ARHGAP31: variants seen among roughly 807,000 people sequenced by gnomAD.
The protein encoded by ARHGAP31 is Rho GTPase activating protein 31.
A neutral mutation model predicts 113.9 loss-of-function variants in ARHGAP31; 34 were observed. The ratio of observed to expected loss-of-function variants is 0.30; its 90% confidence interval spans 0.23 to 0.40. ARHGAP31 has a LOEUF of 0.40. Ranked by LOEUF, ARHGAP31 falls within the 10% of genes least tolerant of loss-of-function variation. The pLI, the probability that ARHGAP31 is intolerant of heterozygous loss-of-function variation, is 1.00. For missense variants in ARHGAP31, 1,548 were observed against 1,767.1 expected (o/e 0.88, Z 2.22); for synonymous variants, 650 against 684.8 (o/e 0.95, Z 0.79).
intron 1 of ARHGAP31, among the ~76,000 whole-genome samples, chr3:119,356,229 G>A (rs1281725654): frequency 6.6e-6 from 1 of 152,150 alleles, no homozygotes; most frequent in Non-Finnish European, 1.5e-5. Context: ...TTTCTTTCCT[G>A]TAGACAACTA....
chr3:119,384,511 T>A (rs537521800), intron 6 of ARHGAP31, among the ~76,000 whole-genome samples: 2 of 152,346 alleles, frequency 1.3e-5, no homozygotes, highest in African/African-American at 2.4e-5. Flanking sequence ...ATCAAGGGGC[T>A]AGCACCTGGT....
At chr3:119,336,481 C>T (rs934216929) in intron 1 of ARHGAP31, among the ~76,000 whole-genome samples, 4 of 151,950 alleles carry the variant, frequency 2.6e-5, no homozygotes, top group Middle Eastern at 3.2e-3. Flanking sequence ...GGGGATGTGT[C>T]GTCAGCAGAA....
chr3:119,351,281 T>C (rs1383567591), intron 1 of ARHGAP31, among the ~76,000 whole-genome samples: 2 of 152,252 alleles, frequency 1.3e-5, no homozygotes. Context: ...AGTCGTTCTC[T>C]CTCATCAAGT....
intron 3 of ARHGAP31, among the ~76,000 whole-genome samples, chr3:119,374,735 T>C (rs1369228221): frequency 6.6e-6 from 1 of 152,192 alleles, no homozygotes; most frequent in Non-Finnish European, 1.5e-5. Flanking sequence ...TCTGCCATGA[T>C]TATGTTTCCC....
rs750066123 is a variant in ARHGAP31 at position 119,382,412 on chromosome 3, C to G, written c.539+13C>G. The G allele has an allele frequency of 6.2e-7, 1 of 1,611,462 alleles. No homozygotes were observed. Among genetic ancestry groups the G allele is most frequent in the Non-Finnish European group, 8.5e-7 (1 of 1,177,640 alleles). On this transcript the variant is annotated intron_variant, in intron 5 of 11. Transcript: ENST00000264245. The stretch of plus-strand genomic sequence containing the variant: ...CAAACCTCCTCAGGTAACCACTCTA[C>G]CCTCCCCTTGTCACCAGCCCAGGGG...
intron 3 of ARHGAP31, among the ~76,000 whole-genome samples, chr3:119,370,257 G>A (rs1257473309): frequency 6.6e-6 from 1 of 152,146 alleles, no homozygotes; most frequent in African/African-American, 2.4e-5. Flanking sequence ...GTAAGTATTT[G>A]GTTAAGAGTA....
At chr3:119,355,388 A>T (rs952272012) in intron 1 of ARHGAP31, among the ~76,000 whole-genome samples, 3 of 152,170 alleles carry the variant, frequency 2.0e-5, no homozygotes, top group Non-Finnish European at 4.4e-5. Context: ...AGGAATCCAG[A>T]TAGCAAAGGA....
chr3:119,324,928 T>G (rs1294342317), intron 1 of ARHGAP31: 12 of 456,742 alleles, frequency 2.6e-5, no homozygotes, highest in Non-Finnish European at 5.3e-5. Context: ...GGTGCTATAC[T>G]TTACTTAAAA....
chr3:119,374,828 C>T (rs769653886), intron 3 of ARHGAP31, among the ~76,000 whole-genome samples: 54 of 152,134 alleles, frequency 3.5e-4, no homozygotes, highest in Non-Finnish European at 3.4e-4. Flanking sequence ...TGCCCAGTCT[C>T]AGGTAGTTCT....
intron 1 of ARHGAP31, among the ~76,000 whole-genome samples, chr3:119,340,355 G>T (rs2079997025): frequency 6.6e-6 from 1 of 152,166 alleles, no homozygotes. Flanking sequence ...AAAGTGACTT[G>T]TTCCCTTCTC....
intron 1 of ARHGAP31, among the ~76,000 whole-genome samples, chr3:119,336,692 A>ATT (rs200750028): frequency 0.018 from 2,748 of 152,334 alleles, 55 homozygotes; most frequent in East Asian, 0.11. Context: ...TATTTAAAGT[A>ATT]TACAAGTCAA....
At chr3:119,366,346 A>G (rs1022553670) in intron 2 of ARHGAP31, among the ~76,000 whole-genome samples, 23 of 152,230 alleles carry the variant, frequency 1.5e-4, no homozygotes, top group African/African-American at 5.3e-4. Context: ...TTCAGTTTTC[A>G]TATTCTTTCT....
chr3:119,393,578 A>T lies in ARHGAP31; in HGVS notation c.993A>T (p.Gly331=). ...LSRNGSVFVR[G]QRLSVEKATI... ...GAAATGGGAGTGTATTTGTGAGAGG[A>T]CAGAGGCTCTCGGGTAAGAATCAAC... Residue 331 remains glycine (G), a synonymous_variant, in exon 8 of 12, where the codon GGA becomes GGT. Transcript: ENST00000264245. 6.2e-7 allele frequency: 1 copy of T among 1,614,134 alleles called. No homozygotes were observed. Among genetic ancestry groups the T allele is most frequent in the South Asian group, 1.1e-5 (1 of 91,078 alleles).
At position 119,401,971 on chromosome 3, in the gene ARHGAP31, G is replaced by T. The variant is rs764591551; in HGVS notation, c.1219G>T (p.Ala407Ser). ...GGGCCAGGAGGGGATGCCTCCCGGG[G>T]CTGAGGGTGGCTTTGATGTGAGCAG... ...EWGQEGMPPG[A>S]EGGFDVSSDR... The change falls in exon 10 of 12, where the codon GCT becomes TCT. Residue 407 changes from alanine to serine, a missense_variant. Ala to Ser is a moderately conservative substitution (Grantham distance 99). Transcript: ENST00000264245. 2 of 1,614,144 alleles carry T rather than the reference G, an allele frequency of 1.2e-6. No homozygotes were observed. The highest frequency in any genetic ancestry group is 1.7e-6 in the Non-Finnish European group (2 of 1,180,022).
intron 1 of ARHGAP31, among the ~76,000 whole-genome samples, chr3:119,347,121 G>A (rs1273357944): frequency 2.6e-5 from 4 of 152,154 alleles, no homozygotes; most frequent in East Asian, 3.9e-4. Flanking sequence ...CTCACTGTGC[G>A]CTCACTAAGA....
rs1377604561 is a variant in ARHGAP31, at chr3:119,418,742, G to C, written c.*2478G>C. ...TTATAGCATCACCTTCAGGAACACA[G>C]TTCTGGGGATGTCATCATGAGACAC... On this transcript the variant is annotated 3_prime_UTR_variant, in exon 12 of 12. Coordinates refer to ENST00000264245, the MANE Select transcript of ARHGAP31 (RefSeq NM_020754.4). 1 of 152,166 alleles carries C rather than the reference G, an allele frequency of 6.6e-6. No individual in the cohort carries two copies. The highest frequency in any genetic ancestry group is 1.5e-5 in the Non-Finnish European group (1 of 68,032). The allele number at this position is 152,166 out of a possible 1,614,324, so 9.4% of individuals were successfully genotyped here.
At chr3:119,359,597 G>A (rs1409690338) in intron 1 of ARHGAP31, among the ~76,000 whole-genome samples, 2 of 151,998 alleles carry the variant, frequency 1.3e-5, no homozygotes, top group Non-Finnish European at 2.9e-5. Flanking sequence ...GGAAAATTGG[G>A]GTGGGCAGTG....
At chr3:119,328,266 A>G (rs1435987091) in intron 1 of ARHGAP31, among the ~76,000 whole-genome samples, 1 of 152,186 alleles carries the variant, frequency 6.6e-6, no homozygotes, top group Admixed American at 6.5e-5. Flanking sequence ...AACCGAATCT[A>G]AGAAGACAGT....
intron 1 of ARHGAP31, among the ~76,000 whole-genome samples, chr3:119,364,930 A>C (rs7642391): frequency 0.4 from 61,007 of 151,856 alleles, 13,750 homozygotes; most frequent in African/African-American, 0.62. Flanking sequence ...CAGTTCTCTA[A>C]TAAAAACACA....
Sources: gnomAD v4.1 joint callset for allele counts (sites outside exome capture counted in the v4.1 genomes callset) on GRCh38, gnomAD v4.1.1 for gene constraint, MANE v1.5 for transcripts, NCBI Gene and HGNC (gene_info 2026-07-23, HGNC 2026-07-21) for gene names.